The following AK3 variants were observed in gnomAD, a reference collection of about 807,000 sequenced individuals.
AK3 encodes GTP:AMP phosphotransferase AK3, mitochondrial.
A neutral mutation model predicts 23.7 loss-of-function variants in AK3; 27 were observed. The observed-to-expected ratio is 1.14, with a 90% CI of 0.84 to 1.57. AK3 has a LOEUF of 1.57. Among genes scored for constraint, AK3 ranks in the 40% most tolerant of loss-of-function variants. The pLI is 0.00. For synonymous variants in AK3, 159 were observed against 116.0 expected (o/e 1.37, Z -2.38); for missense variants, 406 against 285.6 (o/e 1.42, Z -3.04).
intron 1 of AK3, among the ~76,000 whole-genome samples, chr9:4,736,689 CTTT>C (rs879490252): frequency 6.9e-6 from 1 of 145,646 alleles, no homozygotes; most frequent in Non-Finnish European, 1.5e-5. Flanking sequence ...GTTATGTCTC[CTTT>C]TTTTTTTTGA....
In AK3 at chr9:4,711,536, G is replaced by T. The variant is rs1281401306; in HGVS notation, c.*1440C>A. 2.6e-5 allele frequency: 4 copies of T among 152,392 alleles called. No homozygotes were observed. The highest frequency in any genetic ancestry group is 9.7e-5 in the African/African-American group (4 of 41,380). 9.4% of individuals were successfully genotyped at this position (152,392 alleles called of 1,614,324 possible). ...AAAATTTTCCCCCCAAAACACATAA[G>T]AACCACTTACTGGCACTTGTATTTT... is the stretch of plus-strand genomic sequence containing the variant. On this transcript the variant is annotated 3_prime_UTR_variant, in exon 5 of 5. Transcript: ENST00000381809.
At chr9:4,736,107 T>G (rs1587660270) in intron 1 of AK3, among the ~76,000 whole-genome samples, 1 of 121,748 alleles carries the variant, frequency 8.2e-6, no homozygotes. Context: ...AGAGCGAGAC[T>G]CCATCTCAAA....
chr9:4,725,931 T>C (rs534832200), intron 1 of AK3, among the ~76,000 whole-genome samples: 2 of 152,166 alleles, frequency 1.3e-5, no homozygotes, highest in Admixed American at 1.3e-4. Flanking sequence ...CCTGGAGATA[T>C]TGTGGGTTTG....
chr9:4,713,982 ACCTACACATATACG>A (rs1563780956), intron 4 of AK3, among the ~76,000 whole-genome samples: 27 of 5,354 alleles, frequency 5.0e-3, no homozygotes, highest in African/African-American at 0.021. Context: ...ACATTTACAC[ACCTACACATATACG>A]CCTACACATA....
chr9:4,735,536 G>T, intron 1 of AK3, among the ~76,000 whole-genome samples: 1 of 139,282 alleles, frequency 7.2e-6, no homozygotes, highest in Non-Finnish European at 1.5e-5. Flanking sequence ...GGAGTGCAGT[G>T]GCATGATCTT....
chr9:4,735,279 A>G, intron 1 of AK3, among the ~76,000 whole-genome samples: 1 of 72,798 alleles, frequency 1.4e-5, no homozygotes, highest in African/African-American at 5.9e-5. Flanking sequence ...ATATAAATAT[A>G]TATACATATA....
chr9:4,710,352 C>G lies in AK3; in HGVS notation c.*2624G>C, dbSNP rs1419690851. ...CCTCCCGAGTAGCTGGGACTACAGG[C>G]GCCCGCCACCATGCCCGGCTAATTT... is the stretch of plus-strand genomic sequence containing the variant. On this transcript the variant is annotated 3_prime_UTR_variant, in exon 5 of 5. Coordinates refer to ENST00000381809, the MANE Select transcript of AK3 (RefSeq NM_016282.4). 1 of 148,696 alleles carries G rather than the reference C, an allele frequency of 6.7e-6. No homozygotes were observed. The highest frequency in any genetic ancestry group is 1.5e-5 in the Non-Finnish European group (1 of 67,218). The allele number at this position is 148,696 out of a possible 1,614,324, so 9.2% of individuals were successfully genotyped here.
intron 1 of AK3, among the ~76,000 whole-genome samples, chr9:4,727,925 C>T (rs537779386): frequency 6.6e-6 from 1 of 152,202 alleles, no homozygotes; most frequent in South Asian, 2.1e-4. Context: ...AATAGGGAAG[C>T]TCGAGGAGAG....
In AK3 at chr9:4,735,292, AAT is replaced by A. The variant is rs1327072937; in HGVS notation, c.151+5643_151+5644del. ...ATATATAAATATATATACATATATAAATATATATATACATATATAAATATATA... is the reference window on the plus strand; with the variant it reads ...ATATATAAATATATATACATATATAAATATATATACATATATAAATATATA... On this transcript the variant is annotated intron_variant, in intron 1 of 4. Transcript: ENST00000381809. Among the ~76,000 whole-genome samples, 40 of 9,016 alleles carry A rather than the reference AAT, an allele frequency of 4.4e-3. 2 individuals carry two copies. Among genetic ancestry groups the A allele is most frequent in the East Asian group, 7.9e-3 (2 of 252 alleles). The allele number at this position is 9,016 out of a possible 152,430, so 5.9% of individuals were successfully genotyped here. A position where few individuals can be genotyped will look rare whatever the true frequency, so the allele number is the denominator to read the frequency against.
chr9:4,716,152 A>T (rs185352173), intron 4 of AK3, among the ~76,000 whole-genome samples: 1 of 152,182 alleles, frequency 6.6e-6, no homozygotes, highest in African/African-American at 2.4e-5. Context: ...TTTCAGTTAC[A>T]TTACCAATAA....
Position 4,729,823 on chromosome 9 carries a change from C to T in AK3, c.152-7198G>A, listed in dbSNP as rs149860096. ...TCCAGCCTTGGTGACAGAGAAGAGA[C>T]TGTGTCTCTTAAAAAAAAAAAAAAA... On this transcript the variant is annotated intron_variant, in intron 1 of 4. Coordinates refer to ENST00000381809, the MANE Select transcript of AK3 (RefSeq NM_016282.4). 7.6e-3 allele frequency among the ~76,000 whole-genome samples: 1,048 copies of T among 138,702 alleles called. 14 individuals are homozygous for T. Among genetic ancestry groups the T allele is most frequent in the African/African-American group, 0.026 (978 of 38,328 alleles). The allele number at this position is 138,702 out of a possible 152,430, so 91.0% of individuals were successfully genotyped here.
At chr9:4,723,224 A>C (rs1841946158) in intron 1 of AK3, among the ~76,000 whole-genome samples, 1 of 152,252 alleles carries the variant, frequency 6.6e-6, no homozygotes, top group African/African-American at 2.4e-5. Context: ...GATAGAATTG[A>C]GTGGTTTTGA....
chr9:4,736,949 A>T (rs923694896), intron 1 of AK3, among the ~76,000 whole-genome samples: 12 of 152,274 alleles, frequency 7.9e-5, no homozygotes, highest in African/African-American at 2.2e-4. Context: ...AAGTGTTGAG[A>T]TTACAGGCAT....
intron 4 of AK3, among the ~76,000 whole-genome samples, chr9:4,714,918 G>A (rs1442889729): frequency 2.0e-5 from 3 of 152,124 alleles, no homozygotes; most frequent in Non-Finnish European, 4.4e-5. Context: ...TGGGAGCTGA[G>A]AATGAAAAGA....
At position 4,729,014 on chromosome 9, in the gene AK3, TA is replaced by T. The variant is rs201288346; in HGVS notation, c.152-6390del. ...ACACACACACATATATATATATATA[TA>T]TTTTTTTTTTTTGAGACGGAATTTT... On this transcript the variant is annotated intron_variant, in intron 1 of 4. Coordinates refer to ENST00000381809, the MANE Select transcript of AK3 (RefSeq NM_016282.4). Among the ~76,000 whole-genome samples, 307 of 93,620 alleles carry T rather than the reference TA, an allele frequency of 3.3e-3. 9 individuals are homozygous for T. The highest frequency in any genetic ancestry group is 4.2e-3 in the Non-Finnish European group (183 of 43,744). 61.4% of individuals were successfully genotyped at this position (93,620 alleles called of 152,430 possible).
At chr9:4,713,996 G>A (rs113684302) in intron 4 of AK3, among the ~76,000 whole-genome samples, 4,837 of 10,632 alleles carry the variant, frequency 0.45, 571 homozygotes, top group African/African-American at 0.52. Context: ...ACACATATAC[G>A]CCTACACATA....
chr9:4,736,694 T>C (rs1431202514), intron 1 of AK3, among the ~76,000 whole-genome samples: 1 of 152,096 alleles, frequency 6.6e-6, no homozygotes, highest in Non-Finnish European at 1.5e-5. Context: ...GTCTCCTTTT[T>C]TTTTTTGAGA....
At chr9:4,735,487 T>C (rs1254972439) in intron 1 of AK3, among the ~76,000 whole-genome samples, 13 of 122,470 alleles carry the variant, frequency 1.1e-4, no homozygotes, top group African/African-American at 3.8e-4. Context: ...TATTTTTTTT[T>C]TTTTTTTGGA....
chr9:4,728,882 C>CACACAT (rs1424093187), intron 1 of AK3, among the ~76,000 whole-genome samples: 9 of 81,844 alleles, frequency 1.1e-4, no homozygotes, highest in African/African-American at 3.3e-4. Flanking sequence ...CACACACACA[C>CACACAT]ATACATATAT....
Sources: allele counts gnomAD v4.1 joint callset (sites outside exome capture counted in the v4.1 genomes callset), GRCh38; gene constraint gnomAD v4.1.1; transcripts MANE v1.5; gene names NCBI Gene and HGNC (gene_info 2026-07-23, HGNC 2026-07-21).